Variants in SLC25A17 observed in about 807,000 individuals in gnomAD.
SLC25A17 encodes peroxisomal membrane protein PMP34.
In SLC25A17, 26 loss-of-function variants were observed where a neutral mutation model predicts 38.5. The ratio of observed to expected loss-of-function variants is 0.68; its 90% confidence interval spans 0.50 to 0.94. SLC25A17 has a LOEUF of 0.94. Among genes scored for constraint, SLC25A17 ranks in the 40% least tolerant of loss-of-function variants. SLC25A17 has a pLI of 0.00. For synonymous variants in SLC25A17, 139 were observed against 136.2 expected (o/e 1.02, Z -0.14); for missense variants, 333 against 372.7 (o/e 0.89, Z 0.88).
chr22:40,787,737 TCGA>T (rs1337818871), intron 4 of SLC25A17, among the ~76,000 whole-genome samples: 1 of 150,996 alleles, frequency 6.6e-6, no homozygotes, highest in Admixed American at 6.6e-5. Context: ...TTTACTGTCT[TCGA>T]CAACAACAAC....
chr22:40,796,032 G>A (rs184639464), intron 2 of SLC25A17, among the ~76,000 whole-genome samples: 2,129 of 150,518 alleles, frequency 0.014, 51 homozygotes, highest in African/African-American at 0.05. Flanking sequence ...CAGGTGATCC[G>A]CCCGCCTCGG....
At chr22:40,796,716 A>T (rs2057434094) in intron 2 of SLC25A17, among the ~76,000 whole-genome samples, 2 of 152,346 alleles carry the variant, frequency 1.3e-5, no homozygotes. Flanking sequence ...TTTATCCCAT[A>T]GAATTCACAG....
intron 3 of SLC25A17, 112 bp from the exon 4 acceptor site, chr22:40,792,788 C>T: frequency 9.5e-7 from 1 of 1,055,688 alleles, no homozygotes; most frequent in Non-Finnish European, 1.4e-6. Flanking sequence ...TTCACTCCTA[C>T]ACGAATACAA....
intron 1 of SLC25A17, among the ~76,000 whole-genome samples, chr22:40,813,680 C>T (rs12165496): frequency 0.65 from 99,288 of 151,802 alleles, 32,911 homozygotes; most frequent in Admixed American, 0.74. Flanking sequence ...GCCGAGATCA[C>T]GCCACTGCAC....
chr22:40,813,735 C>G (rs1337878109), intron 1 of SLC25A17: 1 of 152,408 alleles, frequency 6.6e-6, no homozygotes, highest in East Asian at 1.9e-4. Context: ...AAAACAAAAA[C>G]AAAAAATTAT....
At chr22:40,794,996 T>C (rs903664249) in intron 2 of SLC25A17, among the ~76,000 whole-genome samples, 2 of 151,966 alleles carry the variant, frequency 1.3e-5, no homozygotes, top group African/African-American at 2.4e-5. Context: ...CAAGGGATCC[T>C]CATGCCTCAG....
intron 4 of SLC25A17, among the ~76,000 whole-genome samples, chr22:40,788,524 C>A (rs969001036): frequency 2.0e-5 from 3 of 152,068 alleles, no homozygotes; most frequent in Admixed American, 2.0e-4. Flanking sequence ...AACTCCATAT[C>A]TACTAAAAAT....
chr22:40,784,408 A>G (rs1020316743), intron 4 of SLC25A17: 3 of 152,264 alleles, frequency 2.0e-5, no homozygotes, highest in African/African-American at 7.2e-5. Context: ...ACTAAGTTTC[A>G]TCTTTGTTTC....
At chr22:40,815,107 C>A (rs1398767004) in intron 1 of SLC25A17, among the ~76,000 whole-genome samples, 1 of 152,050 alleles carries the variant, frequency 6.6e-6, no homozygotes, top group African/African-American at 2.4e-5. Context: ...GTGTGAGCCA[C>A]CACACCCGGC....
intron 1 of SLC25A17, among the ~76,000 whole-genome samples, chr22:40,806,434 T>C (rs2057530780): frequency 6.6e-6 from 1 of 152,074 alleles, no homozygotes. Flanking sequence ...ATAACAAATA[T>C]CCTTTAAATG....
chr22:40,788,179 C>T (rs183779141), intron 4 of SLC25A17, among the ~76,000 whole-genome samples: 2 of 152,250 alleles, frequency 1.3e-5, no homozygotes, highest in East Asian at 3.8e-4. Flanking sequence ...GCCTTTTTAC[C>T]CATACTTATA....
intron 4 of SLC25A17, among the ~76,000 whole-genome samples, chr22:40,784,784 C>CA (rs71200616): frequency 0.22 from 21,912 of 97,420 alleles, 1,392 homozygotes; most frequent in East Asian, 0.47. Context: ...TCAACAACAA[C>CA]AAAAAAAAAA....
chr22:40,792,720 T>C, intron 3 of SLC25A17, 44 bp from the exon 4 acceptor site: 1 of 1,601,480 alleles, frequency 6.2e-7, no homozygotes, highest in Non-Finnish European at 8.5e-7. Flanking sequence ...CATGGACAAA[T>C]TAGAAATTGG....
chr22:40,770,881 C>A lies in SLC25A17; in HGVS notation c.877G>T (p.Ala293Ser), dbSNP rs1430624048. The A allele has an allele frequency of 1.9e-6, 3 of 1,613,432 alleles. No homozygotes were observed. Among genetic ancestry groups the A allele is most frequent in the Admixed American group, 3.3e-5 (2 of 60,020 alleles). ...LMFLVYEKLT[A>S]ATFTVMGLKR... is the part of the protein sequence containing the mutation. ...AGCCCCATAACTGTGAAGGTGGCAG[C>A]TGTCAGTTTCTCATAAACAAGGAAC... The change falls in exon 9 of 9, where the codon GCT (alanine) becomes TCT (serine). Residue 293 changes from alanine to serine, a missense_variant. By Grantham distance (99) the Ala-to-Ser change is moderately conservative (BLOSUM62 1). Coordinates refer to ENST00000435456, the MANE Select transcript of SLC25A17 (RefSeq NM_006358.4).
chr22:40,782,375 TTC>T (rs1351153342), intron 4 of SLC25A17, among the ~76,000 whole-genome samples: 1 of 152,234 alleles, frequency 6.6e-6, no homozygotes, highest in Non-Finnish European at 1.5e-5. Flanking sequence ...TAATTCTATT[TTC>T]TTTCTTTCTT....
Position 40,777,305 on chromosome 22 carries a change from G to A in SLC25A17, c.520C>T (p.Leu174=). Residue 174 remains leucine (L), a synonymous_variant, in exon 6 of 9, where the codon CTG becomes TTG. Coordinates refer to ENST00000435456, the MANE Select transcript of SLC25A17 (RefSeq NM_006358.4). Reference sequence around the variant, plus strand: ...TGGATGGCAGGATTGAAGACCAACAGCAATGAGGGAAATGTGCCATTCCAT... The same window carrying A: ...TGGATGGCAGGATTGAAGACCAACAACAATGAGGGAAATGTGCCATTCCAT... ...ALWNGTFPSL[L]LVFNPAIQFM... 2 of 1,614,116 alleles carry A rather than the reference G, an allele frequency of 1.2e-6. No homozygotes were observed. The highest frequency in any genetic ancestry group is 1.7e-6 in the Non-Finnish European group (2 of 1,179,960).
intron 1 of SLC25A17, among the ~76,000 whole-genome samples, chr22:40,803,997 GTT>G (rs1830797121): frequency 6.6e-6 from 1 of 151,946 alleles, no homozygotes; most frequent in Non-Finnish European, 1.5e-5. Context: ...GCCTTAGAGA[GTT>G]TTGATGTGAA....
Position 40,794,495 on chromosome 22 carries a change from G to C in SLC25A17, c.182+19C>G, listed in dbSNP as rs1321898378. ...CCTAACAAGTTGCTTTAACGAAGGT[G>C]AACTGAGGTAGTACTCACAGTCCTT... On this transcript the variant is annotated intron_variant, in intron 3 of 8. Coordinates refer to ENST00000435456, the MANE Select transcript of SLC25A17 (RefSeq NM_006358.4). The C allele has an allele frequency of 6.5e-7, 1 of 1,545,270 alleles. No homozygotes were observed. Among genetic ancestry groups the C allele is most frequent in the Non-Finnish European group, 8.9e-7 (1 of 1,120,318 alleles).
chr22:40,812,471 T>C (rs752502515), intron 1 of SLC25A17, among the ~76,000 whole-genome samples: 1 of 152,198 alleles, frequency 6.6e-6, no homozygotes, highest in Non-Finnish European at 1.5e-5. Context: ...CATATTTTCA[T>C]GCCTTTTAAG....
Sources: allele counts gnomAD v4.1 joint callset (sites outside exome capture counted in the v4.1 genomes callset), GRCh38; gene constraint gnomAD v4.1.1; transcripts MANE v1.5; gene names NCBI Gene and HGNC (gene_info 2026-07-23, HGNC 2026-07-21).